The following NME8 variants were observed in gnomAD, a reference collection of about 807,000 sequenced individuals.
NME8 encodes the protein NME/NM23 family member 8.
NME8 carries 72 observed loss-of-function variants against 82.3 expected under a neutral mutation model. That is an observed-to-expected ratio of 0.87 (90% CI 0.72 to 1.06). The LOEUF (loss-of-function observed/expected upper bound fraction) is 1.06. Ranked by LOEUF, NME8 falls within the 50% of genes least tolerant of loss-of-function variation. The pLI, the probability that NME8 is intolerant of heterozygous loss-of-function variation, is 0.00. For missense variants in NME8, 712 were observed against 685.4 expected (o/e 1.04, Z -0.43); for synonymous variants, 267 against 228.5 (o/e 1.17, Z -1.52).
intron 15 of NME8, 79 bp downstream of exon 15, chr7:37,888,507 A>G: frequency 7.2e-7 from 1 of 1,391,100 alleles, no homozygotes; most frequent in Non-Finnish European, 9.9e-7. Flanking sequence ...CAATCAGAAA[A>G]GCAAAACAGG....
At chr7:37,886,761 C>G (rs1282228851) in intron 14 of NME8, among the ~76,000 whole-genome samples, 1 of 152,034 alleles carries the variant, frequency 6.6e-6, no homozygotes, top group South Asian at 2.1e-4. Context: ...AATCCCTAAC[C>G]CCTGGCAATC....
At chr7:37,851,378 T>C (rs1784436335) in intron 5 of NME8, among the ~76,000 whole-genome samples, 2 of 152,146 alleles carry the variant, frequency 1.3e-5, no homozygotes, top group Non-Finnish European at 2.9e-5. Context: ...TGATACTCCA[T>C]TGAGTTATTG....
chr7:37,856,952 A>G (rs1296698937), intron 5 of NME8, among the ~76,000 whole-genome samples: 1 of 152,174 alleles, frequency 6.6e-6, no homozygotes, highest in Non-Finnish European at 1.5e-5. Context: ...ATTTACAGCA[A>G]AAGGAAGTGA....
chr7:37,857,389 T>C, intron 6 of NME8, 44 bp downstream of exon 6: 1 of 1,307,364 alleles, frequency 7.6e-7, no homozygotes, highest in Non-Finnish European at 1.1e-6. Context: ...GATTCCAGTT[T>C]GCAGTTAAGA....
At chr7:37,865,651 G>T (rs776972861) in intron 10 of NME8, 34 bp downstream of exon 10, 7 of 1,408,540 alleles carry the variant, frequency 5.0e-6, no homozygotes, top group Admixed American at 3.4e-5. Flanking sequence ...TCCTCTATGT[G>T]TTTAAATACA....
chr7:37,878,189 T>G (rs1784886483), intron 12 of NME8, among the ~76,000 whole-genome samples: 1 of 152,234 alleles, frequency 6.6e-6, no homozygotes, highest in Non-Finnish European at 1.5e-5. Flanking sequence ...GTTGTGTTTT[T>G]CTCAATTTTT....
intron 15 of NME8, among the ~76,000 whole-genome samples, chr7:37,889,772 A>C (rs1785100544): frequency 6.6e-6 from 1 of 152,000 alleles, no homozygotes; most frequent in South Asian, 2.1e-4. Context: ...GAGGAGAAAA[A>C]ATATTATCAC....
In NME8 at chr7:37,886,533, C is replaced by T. The variant is rs1435566003; in HGVS notation, c.1247+1281C>T. 2.0e-5 allele frequency among the ~76,000 whole-genome samples: 3 copies of T among 152,188 alleles called. 1 individual carries two copies. Among genetic ancestry groups the T allele is most frequent in the Admixed American group, 2.0e-4 (3 of 15,264 alleles). The stretch of plus-strand genomic sequence containing the variant: ...CTTTCCTGTGCCTGAATATCAGATT[C>T]TATGCTGGCATTGTTTTACCCAAAA... On this transcript the variant is annotated intron_variant, in intron 14 of 17. Coordinates refer to ENST00000199447, the MANE Select transcript of NME8 (RefSeq NM_016616.5).
Position 37,900,348 on chromosome 7 carries a change from T to C in NME8, c.*120T>C, listed in dbSNP as rs1785295046. 1 of 152,144 alleles carries C rather than the reference T, an allele frequency of 6.6e-6. No individual in the cohort carries two copies. Among genetic ancestry groups the C allele is most frequent in the Admixed American group, 6.5e-5 (1 of 15,270 alleles). The allele number at this position is 152,144 out of a possible 1,614,324, so 9.4% of individuals were successfully genotyped here. On this transcript the variant is annotated 3_prime_UTR_variant, in exon 18 of 18. Coordinates refer to ENST00000199447, the MANE Select transcript of NME8 (RefSeq NM_016616.5). ...ACATGCTTTGGAGGAAAACTCAAGA[T>C]ACAAAAATGAATGGCTATGCATAAT... is the stretch of plus-strand genomic sequence containing the variant.
chr7:37,859,609 C>G (rs528687455), intron 6 of NME8, among the ~76,000 whole-genome samples: 1 of 152,164 alleles, frequency 6.6e-6, no homozygotes, highest in Admixed American at 6.6e-5. Flanking sequence ...GTCTGTTTCA[C>G]GTGGCTAAAT....
At chr7:37,885,364 A>G in intron 14 of NME8, 112 bp downstream of exon 14, 1 of 761,542 alleles carries the variant, frequency 1.3e-6, no homozygotes, top group South Asian at 1.5e-5. Flanking sequence ...TTCTCAGGAA[A>G]GCTACCTTTC....
intron 10 of NME8, among the ~76,000 whole-genome samples, 161 bp downstream of exon 10, chr7:37,865,778 G>C (rs371110548): frequency 6.6e-6 from 1 of 152,214 alleles, no homozygotes; most frequent in East Asian, 1.9e-4. Flanking sequence ...GCCAATGATA[G>C]TGGCTCTGAA....
chr7:37,854,148 A>T (rs1784476821), intron 5 of NME8, among the ~76,000 whole-genome samples: 2 of 152,238 alleles, frequency 1.3e-5, no homozygotes, highest in Non-Finnish European at 2.9e-5. Flanking sequence ...TGGGTAACAT[A>T]AACAGTCGAT....
At chr7:37,899,434 A>G (rs1785279675) in intron 17 of NME8, among the ~76,000 whole-genome samples, 1 of 152,082 alleles carries the variant, frequency 6.6e-6, no homozygotes, top group Non-Finnish European at 1.5e-5. Context: ...GGAACAGAAA[A>G]CCAAACACCG....
chr7:37,888,198 T>C, intron 14 of NME8, 79 bp from the exon 15 acceptor site: 1 of 1,457,148 alleles, frequency 6.9e-7, no homozygotes, highest in Non-Finnish European at 9.6e-7. Flanking sequence ...ATTTGATAAC[T>C]TTTGAACAAC....
intron 17 of NME8, among the ~76,000 whole-genome samples, 156 bp downstream of exon 17, chr7:37,897,263 C>G (rs534744341): frequency 1.3e-5 from 2 of 152,254 alleles, no homozygotes; most frequent in South Asian, 4.1e-4. Flanking sequence ...AGTAGCCACA[C>G]AGCCTCAAAG....
intron 5 of NME8, among the ~76,000 whole-genome samples, chr7:37,854,332 T>G (rs1213102500): frequency 2.6e-5 from 4 of 151,844 alleles, no homozygotes; most frequent in African/African-American, 9.7e-5. Flanking sequence ...TAACATTGAG[T>G]AGGTTGAGGA....
At chr7:37,851,067 G>A (rs1311724329) in intron 5 of NME8, among the ~76,000 whole-genome samples, 2 of 152,152 alleles carry the variant, frequency 1.3e-5, no homozygotes, top group Non-Finnish European at 2.9e-5. Flanking sequence ...GCTGTTTACT[G>A]GGTATCATTG....
rs1038040043 is a variant in NME8 at position 37,888,363 on chromosome 7, A to T, written c.1334A>T (p.Gln445Leu). The change falls in exon 15 of 18, where the codon CAG becomes CTG. Residue 445 changes from glutamine (Q) to leucine (L), a missense_variant. Physicochemically the swap from Gln to Leu is moderately radical, Grantham distance 113. Coordinates refer to ENST00000199447, the MANE Select transcript of NME8 (RefSeq NM_016616.5). ...DSLETAEREI[Q>L]HFFPLQSTLG... ...TTAGAAACCGCTGAAAGGGAAATAC[A>T]GCATTTCTTTCCTCTTCAAAGCACT... The T allele has an allele frequency of 1.1e-5, 17 of 1,613,578 alleles. No individual in the cohort carries two copies. The highest frequency in any genetic ancestry group is 1.4e-5 in the Non-Finnish European group (17 of 1,179,650).
Sources: allele counts gnomAD v4.1 joint callset (sites outside exome capture counted in the v4.1 genomes callset), GRCh38; gene constraint gnomAD v4.1.1; transcripts MANE v1.5; gene names NCBI Gene and HGNC (gene_info 2026-07-23, HGNC 2026-07-21).